Variants in TPTE2 observed in about 807,000 individuals in gnomAD.
TPTE2 encodes phosphatidylinositol 3,4,5-trisphosphate 3-phosphatase TPTE2.
TPTE2 carries 53 observed loss-of-function variants against 78.6 expected under a neutral mutation model. The observed-to-expected ratio is 0.67, with a 90% confidence interval of 0.54 to 0.85. TPTE2 has a LOEUF of 0.85. Ranked by LOEUF, TPTE2 falls within the 40% of genes least tolerant of loss-of-function variation. TPTE2 has a pLI of 0.00. For synonymous variants in TPTE2, 175 were observed against 206.2 expected, an observed-to-expected ratio of 0.85 and a Z score of 1.30; for missense variants, 461 against 623.0, an observed-to-expected ratio of 0.74 and a Z score of 2.77.
chr13:19,438,015 T>C, intron 14 of TPTE2, 77 bp downstream of exon 17: 2 of 1,567,054 alleles, frequency 1.3e-6, no homozygotes, highest in Non-Finnish European at 1.7e-6. Context: ...ATAATCATCT[T>C]AACGTCCTAC....
intron 16 of TPTE2, among the ~76,000 whole-genome samples, chr13:19,431,594 T>C (rs1876608699): frequency 6.6e-6 from 1 of 152,194 alleles, no homozygotes. Flanking sequence ...TCATTTAATT[T>C]TGTTTTCACT....
At chr13:19,425,743 C>T (rs201778908) in intron 18 of TPTE2, 2 of 516,946 alleles carry the variant, frequency 3.9e-6, no homozygotes, top group South Asian at 1.4e-5. Flanking sequence ...GTCCCTCCCT[C>T]TCTCTCGCTA....
chr13:19,551,644 T>A, the TPTE2 span, among the ~76,000 whole-genome samples: 1 of 152,138 alleles, frequency 6.6e-6, no homozygotes, highest in Non-Finnish European at 1.5e-5. Context: ...AAAGAATCTG[T>A]AAGTCTCTAA....
intron 4 of TPTE2, among the ~76,000 whole-genome samples, chr13:19,481,970 G>A (rs1566059231): frequency 6.6e-6 from 1 of 152,044 alleles, no homozygotes; most frequent in Non-Finnish European, 1.5e-5. Context: ...ATTACAGTGA[G>A]TACATGATAA....
chr13:19,442,288 AC>A (rs1288486933), intron 13 of TPTE2, among the ~76,000 whole-genome samples: 1 of 151,932 alleles, frequency 6.6e-6, no homozygotes, highest in Non-Finnish European at 1.5e-5. Flanking sequence ...TAAATACAAA[AC>A]TCTCATATGT....
Position 19,465,320 on chromosome 13 carries a change from T to A in TPTE2, c.613-2A>T, listed in dbSNP as rs1418751229. ...GTATCGCCTTTTGTTTTCTGAAACC[T>A]GAGAGTTTAAAATCATCATTAGTTT... On this transcript the variant is annotated splice_acceptor_variant, in intron 8 of 19. Transcript: ENST00000400230. LOFTEE classifies it high-confidence loss of function. 6.2e-7 allele frequency: 1 copy of A among 1,613,730 alleles called. No individual in the cohort carries two copies. The highest frequency in any genetic ancestry group is 1.3e-5 in the African/African-American group (1 of 74,918).
chr13:19,544,060 C>CAAAAAAAAAAAAAAAAAAAAAA, the TPTE2 span, among the ~76,000 whole-genome samples: 2 of 31,982 alleles, frequency 6.3e-5, 1 homozygote, highest in Non-Finnish European at 1.0e-4. Context: ...GAACCTGTCT[C>CAAAAAAAAAAAAAAAAAAAAAA]AAAAAAAAAA....
chr13:19,450,508 CG>C (rs1391712104), intron 11 of TPTE2, among the ~76,000 whole-genome samples, 164 bp from the exon 15 acceptor site: 2 of 152,126 alleles, frequency 1.3e-5, no homozygotes, highest in Non-Finnish European at 2.9e-5. Flanking sequence ...ATTTCAAAAA[CG>C]TAAGGATGGT....
intron 1 of TPTE2, among the ~76,000 whole-genome samples, chr13:19,502,017 C>T (rs1868597266): frequency 1.4e-5 from 2 of 138,088 alleles, no homozygotes; most frequent in African/African-American, 2.8e-5. Context: ...CAAAAGAAGA[C>T]ATTTATGCAG....
upstream of TPTE2, among the ~76,000 whole-genome samples, chr13:19,506,465 A>G (rs542406174): frequency 6.6e-5 from 10 of 152,012 alleles, no homozygotes; most frequent in South Asian, 6.2e-4. Flanking sequence ...GAGCCACCGC[A>G]CCTGGCCTAA....
intron 19 of TPTE2, among the ~76,000 whole-genome samples, chr13:19,424,665 A>G (rs1875883049): frequency 6.6e-6 from 1 of 152,240 alleles, no homozygotes; most frequent in Admixed American, 6.5e-5. Flanking sequence ...CTTCTCTGGG[A>G]GGAATTTACT....
intron 10 of TPTE2, among the ~76,000 whole-genome samples, chr13:19,461,173 G>A (rs7492288): frequency 0.012 from 1,777 of 152,146 alleles, 32 homozygotes; most frequent in African/African-American, 0.039. Context: ...CTGCCGTCAC[G>A]TGAACAGGCC....
upstream of TPTE2, among the ~76,000 whole-genome samples, chr13:19,537,876 A>G (rs1457791086): frequency 6.6e-6 from 1 of 152,180 alleles, no homozygotes; most frequent in Non-Finnish European, 1.5e-5. Flanking sequence ...AAGTGCTGGG[A>G]TTACAGGTGT....
chr13:19,431,560 G>T (rs1348136283), intron 16 of TPTE2, among the ~76,000 whole-genome samples: 1 of 152,074 alleles, frequency 6.6e-6, no homozygotes, highest in Non-Finnish European at 1.5e-5. Flanking sequence ...ATCTTTGATT[G>T]TTCATCTCAT....
chr13:19,468,069 T>G (rs1186147098), intron 6 of TPTE2, among the ~76,000 whole-genome samples: 2 of 110,696 alleles, frequency 1.8e-5, no homozygotes, highest in African/African-American at 7.0e-5. Flanking sequence ...GAGATGGAGT[T>G]TCACTCAGCT....
chr13:19,465,252 A>C lies in TPTE2; in HGVS notation c.676+3T>G, dbSNP rs1213464999. ...AGTAAATCAACCATTAAGTGTCACAAACCTGTAACGTAAGTGAGGTCTAGG... is the reference window on the plus strand; with the variant it reads ...AGTAAATCAACCATTAAGTGTCACACACCTGTAACGTAAGTGAGGTCTAGG... On this transcript the variant is annotated splice_donor_region_variant and intron_variant, in intron 9 of 19. Transcript: ENST00000400230. The C allele has an allele frequency of 6.2e-7, 1 of 1,613,904 alleles. No individual in the cohort carries two copies. Among genetic ancestry groups the C allele is most frequent in the Admixed American group, 1.7e-5 (1 of 60,024 alleles).
At chr13:19,460,730 G>A (rs2497245) in intron 10 of TPTE2, among the ~76,000 whole-genome samples, 142,244 of 152,174 alleles carry the variant, frequency 0.93, 66,754 homozygotes, top group East Asian at 1. Context: ...TCCACCTCTC[G>A]GCAACTGATG....
In TPTE2 at chr13:19,452,952, TTTTA is replaced by T. The variant is rs1878270571; in HGVS notation, c.742-1731_742-1728del. On this transcript the variant is annotated intron_variant, in intron 10 of 19. Transcript: ENST00000400230. The stretch of plus-strand genomic sequence containing the variant: ...GAATACTGTCCTGTCCTTCATATTT[TTTTA>T]TTTTATTTTATTTTATTTTATTTTA... Among the ~76,000 whole-genome samples the T allele has an allele frequency of 8.7e-5, 4 of 46,174 alleles. No homozygotes were observed. The East Asian group carries it at 5.7e-3, about 66-fold the overall frequency. The allele number at this position is 46,174 out of a possible 152,430, so 30.3% of individuals were successfully genotyped here.
At chr13:19,506,077 T>G (rs1593406924), upstream of TPTE2, 1 of 151,332 alleles carries the variant, frequency 6.6e-6, no homozygotes, top group Non-Finnish European at 1.5e-5. Context: ...TCTGTCATTG[T>G]TTTATGTTTC....
Sources: gnomAD v4.1 joint callset for allele counts (sites outside exome capture counted in the v4.1 genomes callset) on GRCh38, gnomAD v4.1.1 for gene constraint, MANE v1.5 for transcripts, NCBI Gene and HGNC (gene_info 2026-07-23, HGNC 2026-07-21) for gene names.